The following DLGAP2 variants were observed in gnomAD, a reference collection of about 807,000 sequenced individuals.
DLGAP2 encodes disks large-associated protein 2.
In DLGAP2, 26 loss-of-function variants were observed where a neutral mutation model predicts 100.3. That is an observed-to-expected ratio of 0.26 (90% CI 0.19 to 0.36). The LOEUF (loss-of-function observed/expected upper bound fraction) is 0.36. DLGAP2 is among the 10% of genes least tolerant of loss of function. DLGAP2 has a pLI of 1.00. For synonymous variants in DLGAP2, 886 were observed against 630.1 expected (o/e 1.41, Z -6.08); for missense variants, 1,858 against 1,453.2 (o/e 1.28, Z -4.53).
At chr8:965,081 C>T (rs1254002924) in intron 2 of DLGAP2, among the ~76,000 whole-genome samples, 13 of 146,258 alleles carry the variant, frequency 8.9e-5, no homozygotes, top group African/African-American at 1.5e-4. Context: ...GCACTGCACA[C>T]GGCAGTGTTC....
At chr8:1,374,389 T>G (rs552901894) in intron 3 of DLGAP2, among the ~76,000 whole-genome samples, 3 of 152,034 alleles carry the variant, frequency 2.0e-5, no homozygotes, top group Admixed American at 1.3e-4. Context: ...GGCAGCTCCC[T>G]GATTACAAGA....
At chr8:863,414 C>G (rs545642423) in intron 1 of DLGAP2, among the ~76,000 whole-genome samples, 1 of 152,176 alleles carries the variant, frequency 6.6e-6, no homozygotes, top group Non-Finnish European at 1.5e-5. Context: ...AGAATAATTT[C>G]TCCATTCTCA....
chr8:1,661,615 C>T (rs1314008389), intron 8 of DLGAP2, among the ~76,000 whole-genome samples: 1 of 152,152 alleles, frequency 6.6e-6, no homozygotes, highest in Admixed American at 6.6e-5. Context: ...AGGCGGCCAC[C>T]AGGAAGCAGA....
chr8:1,117,834 A>G (rs1434633460), intron 2 of DLGAP2, among the ~76,000 whole-genome samples: 1 of 151,860 alleles, frequency 6.6e-6, no homozygotes, highest in Non-Finnish European at 1.5e-5. Context: ...CCCCTTTCAC[A>G]GTGGGCAGCA....
intron 6 of DLGAP2, among the ~76,000 whole-genome samples, chr8:1,591,625 G>A (rs1483325393): frequency 6.6e-6 from 1 of 152,080 alleles, no homozygotes; most frequent in Non-Finnish European, 1.5e-5. Context: ...ACCCACACCC[G>A]ATACTTGTCA....
intron 2 of DLGAP2, among the ~76,000 whole-genome samples, chr8:1,212,992 T>C (rs560867088): frequency 1.3e-5 from 2 of 152,244 alleles, no homozygotes; most frequent in African/African-American, 4.8e-5. Context: ...TTGTTGCTCT[T>C]ACGGCAGAGA....
intron 3 of DLGAP2, among the ~76,000 whole-genome samples, chr8:1,418,851 T>A (rs1236056116): frequency 6.6e-6 from 1 of 152,234 alleles, no homozygotes; most frequent in Non-Finnish European, 1.5e-5. Flanking sequence ...ATCCCAAGTC[T>A]GGCTTCTGGC....
intron 2 of DLGAP2, among the ~76,000 whole-genome samples, chr8:1,153,985 C>G (rs1796738437): frequency 6.6e-6 from 1 of 151,736 alleles, no homozygotes; most frequent in Admixed American, 6.6e-5. Flanking sequence ...CAGTAATTTT[C>G]TTTTCTTGTG....
At chr8:939,174 T>C (rs1268532265) in intron 2 of DLGAP2, among the ~76,000 whole-genome samples, 1 of 53,502 alleles carries the variant, frequency 1.9e-5, no homozygotes, top group Non-Finnish European at 3.7e-5. Flanking sequence ...TGCCTGGGAG[T>C]GGGAGGTGCA....
chr8:1,212,403 A>G (rs993481110), intron 2 of DLGAP2, among the ~76,000 whole-genome samples: 1 of 152,204 alleles, frequency 6.6e-6, no homozygotes, highest in African/African-American at 2.4e-5. Context: ...GGCACAGATG[A>G]TGCCATCCTT....
chr8:859,845 C>G (rs920724737), intron 1 of DLGAP2, among the ~76,000 whole-genome samples: 1 of 151,988 alleles, frequency 6.6e-6, no homozygotes, highest in East Asian at 1.9e-4. Context: ...CACAGGCAGC[C>G]GAGATGGAAG....
chr8:1,340,070 C>G (rs1439017513), intron 3 of DLGAP2, among the ~76,000 whole-genome samples: 2 of 152,122 alleles, frequency 1.3e-5, no homozygotes. Context: ...CCCTTTCTTC[C>G]ACCATATGCC....
At chr8:1,621,492 A>C (rs1334546472) in intron 6 of DLGAP2, 1 of 152,318 alleles carries the variant, frequency 6.6e-6, no homozygotes, top group Non-Finnish European at 1.5e-5. Flanking sequence ...AGCCAGCGTC[A>C]TGCATCTGAG....
intron 1 of DLGAP2, among the ~76,000 whole-genome samples, chr8:751,417 G>A (rs532626221): frequency 6.6e-6 from 1 of 152,356 alleles, no homozygotes; most frequent in East Asian, 1.9e-4. Flanking sequence ...CTCAGGAGGT[G>A]TCGCGCCATC....
chr8:956,572 G>C (rs114488603), intron 2 of DLGAP2, among the ~76,000 whole-genome samples: 1 of 152,180 alleles, frequency 6.6e-6, no homozygotes, highest in African/African-American at 2.4e-5. Context: ...GGGCCACAGA[G>C]CCACGCATCG....
At chr8:952,379 G>C (rs779261950) in intron 2 of DLGAP2, among the ~76,000 whole-genome samples, 1 of 152,182 alleles carries the variant, frequency 6.6e-6, no homozygotes, top group Non-Finnish European at 1.5e-5. Flanking sequence ...ATTATTTAGT[G>C]CTTCATTTAA....
intron 2 of DLGAP2, among the ~76,000 whole-genome samples, chr8:1,240,027 GGCGCCGTGTCTAGTTCTCTCACAT>G (rs1798750383): frequency 7.4e-6 from 1 of 135,026 alleles, no homozygotes; most frequent in Non-Finnish European, 1.7e-5. Context: ...TCTCTCACAT[GGCGCCGTGTCTAGTTCTCTCACAT>G]GGCGCCGTGT....
chr8:1,504,892 G>A (rs1442887670), intron 4 of DLGAP2, among the ~76,000 whole-genome samples: 2 of 152,162 alleles, frequency 1.3e-5, no homozygotes, highest in Non-Finnish European at 2.9e-5. Flanking sequence ...AAAATACCCA[G>A]AAGTGGGATT....
chr8:1,069,662 A>G (rs1215601389), intron 2 of DLGAP2, among the ~76,000 whole-genome samples: 3 of 152,170 alleles, frequency 2.0e-5, no homozygotes, highest in East Asian at 1.9e-4. Flanking sequence ...ATATACTCCT[A>G]TAAGCACCAT....
Sources: gnomAD v4.1 joint callset for allele counts (sites outside exome capture counted in the v4.1 genomes callset) on GRCh38, gnomAD v4.1.1 for gene constraint, MANE v1.5 for transcripts, NCBI Gene and HGNC (gene_info 2026-07-23, HGNC 2026-07-21) for gene names.